ZNF341: variants seen among roughly 807,000 people sequenced by gnomAD.
ZNF341 encodes the protein zinc finger protein 341.
A neutral mutation model predicts 87.7 loss-of-function variants in ZNF341; 52 were observed. The observed-to-expected ratio is 0.59, with a 90% confidence interval of 0.47 to 0.75. ZNF341 has a LOEUF of 0.75. Among genes scored for constraint, ZNF341 ranks in the 30% least tolerant of loss-of-function variants. The probability of loss-of-function intolerance (pLI) is 0.00; values close to 1 mark genes in which losing one functional copy is unlikely to be tolerated. For missense variants in ZNF341, 977 were observed against 1,145.9 expected (o/e 0.85, Z 2.13); for synonymous variants, 459 against 472.7 (o/e 0.97, Z 0.38).
At chr20:33,739,993 T>TA (rs1385412250) in intron 1 of ZNF341, among the ~76,000 whole-genome samples, 3 of 152,116 alleles carry the variant, frequency 2.0e-5, no homozygotes, top group African/African-American at 7.2e-5. Flanking sequence ...GTCTCCCAAG[T>TA]AGTTGGGATT....
In ZNF341 at chr20:33,791,359, A is replaced by G. The variant is rs1053284174; in HGVS notation, c.2407A>G (p.Ile803Val). 6 of 1,612,446 alleles carry G rather than the reference A, an allele frequency of 3.7e-6. No homozygotes were observed. Among genetic ancestry groups the G allele is most frequent in the Non-Finnish European group, 5.1e-6 (6 of 1,179,562 alleles). ...PFAEPDAVLSIVVGGAVGAET... is the reference protein window; with the variant it reads ...PFAEPDAVLSVVVGGAVGAET... ...CGCAGAGCCGGACGCGGTGCTGTCC[A>G]TCGTTGTGGGTGGTGCGGTGGGCGC... Residue 803 changes from isoleucine (I) to valine (V), a missense_variant, in exon 15 of 15, where the codon ATC (isoleucine) becomes GTC (valine). Around this residue, in one of 3 missense-constraint regions of ZNF341, gnomAD observed 221 missense variants for 212.7 expected, o/e 1.04. Transcript: ENST00000375200.
intron 12 of ZNF341, among the ~76,000 whole-genome samples, chr20:33,784,270 A>C (rs1234801375): frequency 1.6e-4 from 1 of 6,134 alleles, no homozygotes; most frequent in Non-Finnish European, 2.9e-4. Flanking sequence ...TCTCCCCCCC[A>C]TCTCCCTCAC....
intron 13 of ZNF341, 104 bp downstream of exon 13, chr20:33,789,078 CTTT>C (rs397692441): frequency 9.3e-4 from 563 of 604,352 alleles, no homozygotes; most frequent in Middle Eastern, 1.4e-3. Flanking sequence ...CAGGCCTCTC[CTTT>C]TTTTTTTTTT....
rs1169030861 is a variant in ZNF341, at chr20:33,732,329, G to A, written c.31+277G>A. On this transcript the variant is annotated intron_variant, in intron 1 of 14. Transcript: ENST00000375200. This position sits in a 1 kb window ranked among gnomAD's most constrained non-coding sequence, Gnocchi z 4.5. ...GCCTGGGCGGCCTTGGGCGGGCGCGGGAGGGGCTCCCTGCAGGGAACTGCG... is the reference window on the plus strand; with the variant it reads ...GCCTGGGCGGCCTTGGGCGGGCGCGAGAGGGGCTCCCTGCAGGGAACTGCG... Among the ~76,000 whole-genome samples, 3 of 151,550 alleles carry A rather than the reference G, an allele frequency of 2.0e-5. No individual in the cohort carries two copies. The highest frequency in any genetic ancestry group is 4.1e-4 in the South Asian group (2 of 4,832).
Position 33,791,517 on chromosome 20 carries a change from A to G in ZNF341, c.2565A>G (p.Ter855TrpextTer3). The change falls in exon 15 of 15, where the codon TGA becomes TGG. Residue 855 changes from the stop codon to tryptophan, a stop_lost. Transcript: ENST00000375200. ...AVPVYIQASE* is the reference protein window; with the variant it reads ...AVPVYIQASEW ...CCGTCTACATCCAGGCCTCCGAGTG[A>G]CGGACCTGAGGTGTCTGTTTCCTGG... The G allele has an allele frequency of 6.4e-7, 1 of 1,550,436 alleles. No homozygotes were observed. Among genetic ancestry groups the G allele is most frequent in the Non-Finnish European group, 8.7e-7 (1 of 1,151,308 alleles).
At chr20:33,789,098 CAT>C (rs1285132891) in intron 13 of ZNF341, 124 bp downstream of exon 13, 31 of 664,526 alleles carry the variant, frequency 4.7e-5, no homozygotes, top group Non-Finnish European at 6.9e-5. Context: ...TTTTTGGAGA[CAT>C]AGTCTCACTC....
chr20:33,750,437 C>T (rs190506863), intron 4 of ZNF341, among the ~76,000 whole-genome samples: 184 of 152,066 alleles, frequency 1.2e-3, no homozygotes, highest in East Asian at 0.012. Flanking sequence ...AAGAGGACCC[C>T]GTGTCCTTTA....
intron 5 of ZNF341, among the ~76,000 whole-genome samples, chr20:33,753,716 C>A (rs1009499076): frequency 1.3e-5 from 2 of 152,102 alleles, no homozygotes; most frequent in African/African-American, 2.4e-5. Flanking sequence ...GAATGCCTAC[C>A]TTTTCAGGCA....
At chr20:33,785,804 G>A (rs2019843260) in intron 12 of ZNF341, among the ~76,000 whole-genome samples, 1 of 152,080 alleles carries the variant, frequency 6.6e-6, no homozygotes, top group African/African-American at 2.4e-5. Context: ...GCAAAAATGA[G>A]CACATACTAT....
At chr20:33,772,036 G>T (rs79864223) in intron 10 of ZNF341, among the ~76,000 whole-genome samples, 9 of 50,334 alleles carry the variant, frequency 1.8e-4, no homozygotes, top group East Asian at 1.4e-3. Flanking sequence ...AAAAAAAAAA[G>T]ATCTTCACGT....
chr20:33,750,946 A>T (rs964080627), intron 4 of ZNF341, among the ~76,000 whole-genome samples: 20 of 151,626 alleles, frequency 1.3e-4, no homozygotes, highest in Non-Finnish European at 2.4e-4. Flanking sequence ...TGGCCTAAAA[A>T]AATTTTTTTT....
chr20:33,739,553 A>G (rs1360036775), intron 1 of ZNF341, among the ~76,000 whole-genome samples: 1 of 152,238 alleles, frequency 6.6e-6, no homozygotes, highest in Non-Finnish European at 1.5e-5. Context: ...TCCCCCAGCC[A>G]CCAATTCAGA....
chr20:33,744,130 A>C (rs1356784388), intron 2 of ZNF341, among the ~76,000 whole-genome samples: 1 of 152,032 alleles, frequency 6.6e-6, no homozygotes, highest in Non-Finnish European at 1.5e-5. Flanking sequence ...TAAAAATACA[A>C]AAATTAGCCG....
chr20:33,760,166 G>GTGGGTAGAT (rs2019262723), intron 7 of ZNF341, among the ~76,000 whole-genome samples: 1 of 152,200 alleles, frequency 6.6e-6, no homozygotes, highest in African/African-American at 2.4e-5. Flanking sequence ...ACTTTGGGAG[G>GTGGGTAGAT]CTGAGGTGGG....
At chr20:33,774,335 T>A (rs968737329) in intron 10 of ZNF341, among the ~76,000 whole-genome samples, 1 of 151,990 alleles carries the variant, frequency 6.6e-6, no homozygotes, top group South Asian at 2.1e-4. Flanking sequence ...TTATTGATTT[T>A]TTCCCCCAAT....
intron 8 of ZNF341, among the ~76,000 whole-genome samples, chr20:33,765,860 G>A (rs2019394543): frequency 6.6e-6 from 1 of 152,014 alleles, no homozygotes; most frequent in South Asian, 2.1e-4. Context: ...AGGGAAGGAT[G>A]ATGAAACAGA....
chr20:33,776,930 G>A (rs1464319644), intron 10 of ZNF341, among the ~76,000 whole-genome samples: 2 of 152,096 alleles, frequency 1.3e-5, no homozygotes, highest in African/African-American at 4.8e-5. Context: ...AAAGTGCTGG[G>A]ATTACAGGCG....
intron 1 of ZNF341, among the ~76,000 whole-genome samples, chr20:33,738,857 G>A (rs754137686): frequency 1.3e-5 from 2 of 152,264 alleles, no homozygotes; most frequent in Non-Finnish European, 2.9e-5. Context: ...GGAGCAGGAG[G>A]AGATGGAGGG....
chr20:33,783,871 A>C lies in ZNF341; in HGVS notation c.1852+7A>C, dbSNP rs772598385. On this transcript the variant is annotated splice_region_variant and intron_variant, in intron 12 of 14. Transcript: ENST00000375200. ...CATGCTCACATCCACTCGGGTAGGTACCCTGCCCCTGAGAACTCCAGCCCA... is the reference window on the plus strand; with the variant it reads ...CATGCTCACATCCACTCGGGTAGGTCCCCTGCCCCTGAGAACTCCAGCCCA... The C allele has an allele frequency of 1.2e-5, 19 of 1,609,668 alleles. No individual in the cohort carries two copies. In the South Asian group the frequency reaches 1.7e-4, roughly 14 times the overall value.
Sources: allele counts gnomAD v4.1 joint callset (sites outside exome capture counted in the v4.1 genomes callset), GRCh38; gene constraint gnomAD v4.1.1; regional missense constraint gnomAD v4.1.1; non-coding constraint Gnocchi (gnomAD v3.1); transcripts MANE v1.5; gene names NCBI Gene and HGNC (gene_info 2026-07-23, HGNC 2026-07-21).